Variants in EPN2 observed in about 807,000 individuals in gnomAD.
EPN2 encodes the protein epsin 2.
Under a neutral mutation model 61.7 loss-of-function variants are expected in EPN2, and 34 were observed. The observed-to-expected ratio is 0.55, with a 90% CI of 0.42 to 0.73. The LOEUF (loss-of-function observed/expected upper bound fraction) is 0.73, where lower values mean the gene tolerates loss of function less well. EPN2 is among the 30% of genes least tolerant of loss of function. The probability of loss-of-function intolerance (pLI) is 0.00; values close to 1 mark genes in which losing one functional copy is unlikely to be tolerated. For synonymous variants in EPN2, 349 were observed against 353.6 expected (o/e 0.99, Z 0.15); for missense variants, 714 against 839.2 (o/e 0.85, Z 1.84).
intron 1 of EPN2, among the ~76,000 whole-genome samples, chr17:19,256,419 CAAAAAAA>C (rs61210278): frequency 1.5e-5 from 1 of 67,974 alleles, no homozygotes; most frequent in Non-Finnish European, 3.2e-5. Flanking sequence ...GACCCTGTCT[CAAAAAAA>C]AAAAAAAAAA....
intron 5 of EPN2, among the ~76,000 whole-genome samples, chr17:19,311,401 T>A (rs1042984892): frequency 4.6e-5 from 7 of 152,152 alleles, no homozygotes; most frequent in African/African-American, 7.2e-5. Context: ...AGTGGCATTG[T>A]CCCTGTGAAT....
At chr17:19,246,090 G>T (rs1176122597) in intron 1 of EPN2, among the ~76,000 whole-genome samples, 1 of 152,134 alleles carries the variant, frequency 6.6e-6, no homozygotes, top group Admixed American at 6.5e-5. Context: ...GCTGGGCGTG[G>T]TGGCTCATAC....
intron 1 of EPN2, among the ~76,000 whole-genome samples, chr17:19,245,603 A>G (rs954931697): frequency 1.3e-5 from 2 of 150,720 alleles, no homozygotes; most frequent in African/African-American, 4.9e-5. Context: ...CACCCAGCTA[A>G]TTTTTATATT....
intron 1 of EPN2, among the ~76,000 whole-genome samples, chr17:19,258,548 A>G (rs1294711429): frequency 6.6e-6 from 1 of 152,182 alleles, no homozygotes; most frequent in African/African-American, 2.4e-5. Context: ...CTTTCCACAC[A>G]GTTTATTGCC....
rs764772166 is a variant in EPN2, at chr17:19,313,091, CT to C, written c.973-11del. The C allele has an allele frequency of 4.3e-5, 70 of 1,611,756 alleles. No individual in the cohort carries two copies. Among genetic ancestry groups the C allele is most frequent in the Non-Finnish European group, 5.7e-5 (67 of 1,179,058 alleles). ...AGCATAGTAAAACCTGTCCCCTTCT[CT>C]TTGTCTTAAAAGCATGGCTCTCTCC... On this transcript the variant is annotated splice_polypyrimidine_tract_variant and intron_variant, in intron 6 of 10. Transcript: ENST00000314728.
Position 19,256,487 on chromosome 17 carries a change from C to T in EPN2, c.-294+18956C>T, listed in dbSNP as rs146465017. ...GTGTGGCCAGGTTTGAGAACTGCTG[C>T]TTTAGGCCATTTCATGTCTTTTTAG... On this transcript the variant is annotated intron_variant, in intron 1 of 10. Coordinates refer to ENST00000314728, the MANE Select transcript of EPN2 (RefSeq NM_014964.5). Among the ~76,000 whole-genome samples the T allele has an allele frequency of 2.3e-3, 345 of 150,208 alleles. 1 individual carries two copies. The highest frequency in any genetic ancestry group is 8.3e-3 in the African/African-American group (339 of 40,802).
At chr17:19,318,958 A>G (rs1178544530) in intron 7 of EPN2, among the ~76,000 whole-genome samples, 2 of 152,120 alleles carry the variant, frequency 1.3e-5, no homozygotes, top group Non-Finnish European at 2.9e-5. Context: ...GCACTTTAGG[A>G]GGCCAAGTTT....
At chr17:19,317,155 G>A (rs1906421928) in intron 7 of EPN2, among the ~76,000 whole-genome samples, 2 of 152,228 alleles carry the variant, frequency 1.3e-5, no homozygotes, top group African/African-American at 4.8e-5. Context: ...TGTTTTGAAA[G>A]CCACCATTTG....
At chr17:19,292,038 C>G (rs775881855) in intron 4 of EPN2, among the ~76,000 whole-genome samples, 10 of 152,088 alleles carry the variant, frequency 6.6e-5, no homozygotes, top group Non-Finnish European at 1.5e-4. Flanking sequence ...AAAAGGGAGT[C>G]CTACATGGGT....
chr17:19,295,377 C>CGT (rs2045509311), intron 4 of EPN2, among the ~76,000 whole-genome samples: 1 of 151,498 alleles, frequency 6.6e-6, no homozygotes, highest in African/African-American at 2.4e-5. Context: ...CGCGCGTGCG[C>CGT]GCAAAATAGC....
intron 4 of EPN2, among the ~76,000 whole-genome samples, chr17:19,295,356 A>ACGCGCGCGCG (rs1355330075): frequency 1.1e-4 from 7 of 66,466 alleles, no homozygotes; most frequent in African/African-American, 2.5e-4. Flanking sequence ...ACACACACAC[A>ACGCGCGCGCG]CACACACACA....
At chr17:19,297,870 C>T (rs1364095388) in intron 4 of EPN2, among the ~76,000 whole-genome samples, 5 of 152,046 alleles carry the variant, frequency 3.3e-5, no homozygotes, top group South Asian at 4.2e-4. Context: ...ATTTATTTAT[C>T]GATTCATTTA....
At position 19,285,671 on chromosome 17, in the gene EPN2, AGAGT is replaced by A. The variant is rs1161091590; in HGVS notation, c.651_654del (p.Ser217ArgfsTer6). The A allele has an allele frequency of 6.3e-7, 1 of 1,577,850 alleles. No individual in the cohort carries two copies. Among genetic ancestry groups the A allele is most frequent in the African/African-American group, 1.3e-5 (1 of 74,212 alleles). ...CACCGCACAGGGGCCCCGCTGGGTCAGAGTGAGGAGCTGCAGCCACTGAGCCAGC... is the reference window on the plus strand; with the variant it reads ...CACCGCACAGGGGCCCCGCTGGGTCAGAGGAGCTGCAGCCACTGAGCCAGC... On this transcript the variant is annotated frameshift_variant, in exon 4 of 11. Transcript: ENST00000314728. LOFTEE classifies it high-confidence loss of function. This position sits in a 1 kb window ranked among gnomAD's most constrained non-coding sequence, Gnocchi z 4.5.
At chr17:19,329,480 C>A in intron 8 of EPN2, 81 bp from the exon 9 acceptor site, 2 of 806,570 alleles carry the variant, frequency 2.5e-6, no homozygotes, top group East Asian at 2.6e-5. Context: ...GCCAGCCCAT[C>A]CTGAGGGTGT....
intron 4 of EPN2, among the ~76,000 whole-genome samples, chr17:19,293,208 T>C (rs1257694870): frequency 1.3e-5 from 2 of 151,892 alleles, no homozygotes; most frequent in Non-Finnish European, 2.9e-5. Flanking sequence ...GTGAAACCCA[T>C]CTCTACTAAA....
chr17:19,308,317 G>C (rs983454405), intron 4 of EPN2: 2 of 932,726 alleles, frequency 2.1e-6, no homozygotes, highest in African/African-American at 3.6e-5. Context: ...CAGGTGATCC[G>C]CCCGTCTCAG....
At chr17:19,251,568 G>A (rs1187397008) in intron 1 of EPN2, among the ~76,000 whole-genome samples, 1 of 152,092 alleles carries the variant, frequency 6.6e-6, no homozygotes, top group African/African-American at 2.4e-5. Context: ...TGAGTAGCTG[G>A]GATTAGAGGT....
At chr17:19,242,919 C>T (rs901143534) in intron 1 of EPN2, among the ~76,000 whole-genome samples, 3 of 152,146 alleles carry the variant, frequency 2.0e-5, no homozygotes, top group African/African-American at 7.2e-5. Context: ...TGCAGCAGCT[C>T]GATAGCTGAG....
intron 1 of EPN2, among the ~76,000 whole-genome samples, chr17:19,275,621 G>A (rs1031320139): frequency 9.2e-5 from 14 of 152,152 alleles, no homozygotes; most frequent in East Asian, 3.9e-4. Flanking sequence ...GCTGCTGGGC[G>A]GGGGAACTGT....
Sources: gnomAD v4.1 joint callset for allele counts (sites outside exome capture counted in the v4.1 genomes callset) on GRCh38, gnomAD v4.1.1 for gene constraint, Gnocchi (gnomAD v3.1) non-coding constraint, MANE v1.5 for transcripts, NCBI Gene and HGNC (gene_info 2026-07-23, HGNC 2026-07-21) for gene names.